Variants in ELF2 observed in about 807,000 individuals in gnomAD.
ELF2 encodes the protein ETS-related transcription factor Elf-2.
Under a neutral mutation model 54.8 loss-of-function variants are expected in ELF2, and 11 were observed. That is an observed-to-expected ratio of 0.20 (90% CI 0.13 to 0.33). The LOEUF is 0.33. Ranked by LOEUF, ELF2 falls within the 10% of genes least tolerant of loss-of-function variation. ELF2 has a pLI of 1.00. For missense variants in ELF2, 513 were observed against 703.0 expected (o/e 0.73, Z 3.06); for synonymous variants, 203 against 245.1 (o/e 0.83, Z 1.61).
Position 139,059,403 on chromosome 4 carries a change from C to T in ELF2, c.1362G>A (p.Met454Ile). The change falls in exon 10 of 10, where the codon ATG (methionine) becomes ATA (isoleucine). Residue 454 changes from methionine to isoleucine, a missense_variant. Around this residue, in one of 3 missense-constraint regions of ELF2, gnomAD observed 291 missense variants for 366.1 expected, o/e 0.79. Transcript: ENST00000686138. ...ASTENGDKIT[M>I]QPAKIITIPA... ...GGATGGTAATAATTTTGGCAGGCTG[C>T]ATGGTGATTTTGTCTCCATTTTCAG... The T allele has an allele frequency of 6.2e-7, 1 of 1,613,938 alleles. No homozygotes were observed. The highest frequency in any genetic ancestry group is 8.5e-7 in the Non-Finnish European group (1 of 1,179,856).
At chr4:139,101,331 A>G (rs1733860559) in intron 4 of ELF2, among the ~76,000 whole-genome samples, 1 of 152,216 alleles carries the variant, frequency 6.6e-6, no homozygotes, top group African/African-American at 2.4e-5. Flanking sequence ...AGGTCATCTC[A>G]GGTAACCCCA....
chr4:139,148,220 C>T (rs10025518), intron 1 of ELF2, among the ~76,000 whole-genome samples: 145,084 of 151,394 alleles, frequency 0.96, 69,599 homozygotes, highest in East Asian at 1. Context: ...ACAAGGCTGC[C>T]CACTGCAGCC....
chr4:139,062,919 A>G (rs934115423), intron 7 of ELF2, among the ~76,000 whole-genome samples: 2 of 152,126 alleles, frequency 1.3e-5, no homozygotes, highest in African/African-American at 4.8e-5. Flanking sequence ...TTTTCTTATC[A>G]TTTTCCTCTG....
chr4:139,074,577 T>C (rs1455130662), intron 4 of ELF2, among the ~76,000 whole-genome samples: 1 of 151,628 alleles, frequency 6.6e-6, no homozygotes, highest in African/African-American at 2.4e-5. Flanking sequence ...CTGACAAACA[T>C]GGTGAAACTC....
At chr4:139,084,797 T>G (rs1243534956) in intron 4 of ELF2, among the ~76,000 whole-genome samples, 1 of 152,238 alleles carries the variant, frequency 6.6e-6, no homozygotes, top group Non-Finnish European at 1.5e-5. Flanking sequence ...TTATGCAACA[T>G]GTAACCAGTT....
intron 3 of ELF2, among the ~76,000 whole-genome samples, chr4:139,126,116 C>T (rs923690869): frequency 1.3e-5 from 2 of 151,942 alleles, no homozygotes; most frequent in Non-Finnish European, 2.9e-5. Context: ...AAAGTAAGAA[C>T]AGATCACAAT....
chr4:139,088,672 CTTCTCT>C (rs1357924178), intron 4 of ELF2, among the ~76,000 whole-genome samples: 1 of 152,122 alleles, frequency 6.6e-6, no homozygotes, highest in Non-Finnish European at 1.5e-5. Flanking sequence ...TTAGCCTCAC[CTTCTCT>C]CTCCATTCTC....
intron 4 of ELF2, among the ~76,000 whole-genome samples, chr4:139,086,331 CACA>C (rs1280332137): frequency 4.6e-5 from 7 of 152,162 alleles, no homozygotes; most frequent in African/African-American, 2.4e-5. Context: ...GTCTGTGAAG[CACA>C]ACAAGCTGGA....
At chr4:139,159,243 G>T (rs7667959) in intron 1 of ELF2, among the ~76,000 whole-genome samples, 2,604 of 152,262 alleles carry the variant, frequency 0.017, 75 homozygotes, top group East Asian at 0.11. Context: ...AATTCCTGAG[G>T]AGTAGTAGAA....
At chr4:139,165,441 A>G (rs1741622143) in intron 1 of ELF2, among the ~76,000 whole-genome samples, 1 of 152,122 alleles carries the variant, frequency 6.6e-6, no homozygotes, top group African/African-American at 2.4e-5. Context: ...AGGTGGATGG[A>G]TCACCTGAGG....
chr4:139,140,437 T>C (rs189625422), intron 1 of ELF2, among the ~76,000 whole-genome samples: 2 of 152,294 alleles, frequency 1.3e-5, no homozygotes, highest in African/African-American at 4.8e-5. Flanking sequence ...ATATAAGCAT[T>C]TGCAAGATCC....
intron 1 of ELF2, among the ~76,000 whole-genome samples, chr4:139,164,896 T>G (rs931200735): frequency 6.6e-6 from 1 of 152,238 alleles, no homozygotes; most frequent in Non-Finnish European, 1.5e-5. Flanking sequence ...TATTTCCTGC[T>G]CAAGGTACTA....
At chr4:139,169,503 T>C (rs1308407535) in intron 1 of ELF2, among the ~76,000 whole-genome samples, 1 of 152,088 alleles carries the variant, frequency 6.6e-6, no homozygotes, top group East Asian at 1.9e-4. Flanking sequence ...TTGTCACTGA[T>C]CTTTATAGCC....
At chr4:139,133,635 C>T (rs943436269) in intron 3 of ELF2, among the ~76,000 whole-genome samples, 1 of 145,884 alleles carries the variant, frequency 6.9e-6, no homozygotes, top group Admixed American at 6.9e-5. Context: ...CTTTTCCCTA[C>T]CTTTTTTTTT....
At chr4:139,152,627 A>T (rs1338917153) in intron 1 of ELF2, among the ~76,000 whole-genome samples, 1 of 152,102 alleles carries the variant, frequency 6.6e-6, no homozygotes, top group Admixed American at 6.6e-5. Context: ...CACCAGGCAG[A>T]GCCTTGTAAT....
At chr4:139,073,622 A>G (rs2148700116) in intron 4 of ELF2, 55 bp from the exon 5 acceptor site, 1 of 961,860 alleles carries the variant, frequency 1.0e-6, no homozygotes, top group East Asian at 2.7e-5. Flanking sequence ...CATGACTAAA[A>G]CATATTACTA....
intron 1 of ELF2, among the ~76,000 whole-genome samples, chr4:139,158,430 T>G (rs776013475): frequency 6.6e-6 from 1 of 152,120 alleles, no homozygotes; most frequent in Non-Finnish European, 1.5e-5. Flanking sequence ...TGGTAAAGTG[T>G]TGGGGCAGCG....
intron 4 of ELF2, among the ~76,000 whole-genome samples, chr4:139,076,961 TGAC>T (rs1336556997): frequency 2.6e-5 from 4 of 152,206 alleles, no homozygotes; most frequent in Admixed American, 1.3e-4. Context: ...AAATTTACGA[TGAC>T]AACATAAAAT....
At position 139,105,308 on chromosome 4, in the gene ELF2, T is replaced by G. The variant is rs1039734938; in HGVS notation, c.238+19856A>C. ...TTTGTCCACTAGATTCTAAGTACCA[T>G]AAATGTAGAGACTTTGCCTTTCTTG... is the stretch of plus-strand genomic sequence containing the variant. On this transcript the variant is annotated intron_variant, in intron 4 of 9. Coordinates refer to ENST00000686138, the MANE Select transcript of ELF2 (RefSeq NM_001331036.3). 3.3e-5 allele frequency among the ~76,000 whole-genome samples: 5 copies of G among 152,118 alleles called. No individual in the cohort carries two copies. The Middle Eastern group carries it at 0.017, about 517-fold the overall frequency.
Sources: gnomAD v4.1 joint callset for allele counts (sites outside exome capture counted in the v4.1 genomes callset) on GRCh38, gnomAD v4.1.1 for gene constraint, gnomAD v4.1.1 regional missense constraint, MANE v1.5 for transcripts, NCBI Gene and HGNC (gene_info 2026-07-23, HGNC 2026-07-21) for gene names.